AKR1B1: variants seen among roughly 807,000 people sequenced by gnomAD.
The protein encoded by AKR1B1 is aldo-keto reductase family 1 member B1.
A neutral mutation model predicts 40.4 loss-of-function variants in AKR1B1; 22 were observed. That is an observed-to-expected ratio of 0.54 (90% CI 0.39 to 0.78). The LOEUF is 0.78. AKR1B1 is among the 30% of genes least tolerant of loss of function. The pLI, the probability that AKR1B1 is intolerant of heterozygous loss-of-function variation, is 0.00. For synonymous variants in AKR1B1, 157 were observed against 149.9 expected, an observed-to-expected ratio of 1.05 and a Z score of -0.35; for missense variants, 357 against 396.7, an observed-to-expected ratio of 0.90 and a Z score of 0.85.
chr7:134,445,982 A>T lies in AKR1B1; in HGVS notation c.826-662T>A, dbSNP rs373894673. Among the ~76,000 whole-genome samples, 18 of 152,302 alleles carry T rather than the reference A, an allele frequency of 1.2e-4. No homozygotes were observed. The East Asian group carries it at 1.9e-3, about 16-fold the overall frequency. ...TGAGACCCACAAGAGGCTGACACAC[A>T]CTCCCAGAGCCGAAGGGCTCTTAGC... On this transcript the variant is annotated intron_variant, in intron 8 of 9. Transcript: ENST00000285930.
In AKR1B1 at chr7:134,448,010, G is replaced by A. The variant is rs762963189; in HGVS notation, c.711C>T (p.Ile237=). 30 of 1,613,032 alleles carry A rather than the reference G, an allele frequency of 1.9e-5. No individual in the cohort carries two copies. Among genetic ancestry groups the A allele is most frequent in the South Asian group, 8.8e-5 (8 of 90,680 alleles). ...SLLEDPRIKA[I]AAKHNKTTAQ... ...CTGTAGTTTTATTGTGCTTGGCTGC[G>A]ATCGCCTTGATCCTGGGATCCTCCA... The change falls in exon 7 of 10, where the codon ATC becomes ATT. Residue 237 remains isoleucine (I), a synonymous_variant. Transcript: ENST00000285930.
intron 5 of AKR1B1, among the ~76,000 whole-genome samples, chr7:134,448,731 A>G (rs545233540): frequency 6.6e-5 from 10 of 152,278 alleles, no homozygotes; most frequent in Admixed American, 3.3e-4. Flanking sequence ...GGCTTTAGCC[A>G]CTTATCAACT....
At position 134,442,666 on chromosome 7, in the gene AKR1B1, GA is replaced by G; in HGVS notation, c.*61del. ...ACACAGGCCATACTACATTTGCAAGGAAAAAAATGAGGCAAGAAACACAGGT... is the reference window on the plus strand; with the variant it reads ...ACACAGGCCATACTACATTTGCAAGGAAAAAATGAGGCAAGAAACACAGGT... On this transcript the variant is annotated 3_prime_UTR_variant, in exon 10 of 10. Coordinates refer to ENST00000285930, the MANE Select transcript of AKR1B1 (RefSeq NM_001628.4). 7 of 1,569,140 alleles carry G rather than the reference GA, an allele frequency of 4.5e-6. No individual in the cohort carries two copies. The highest frequency in any genetic ancestry group is 1.7e-5 in the Admixed American group (1 of 59,722).
intron 5 of AKR1B1, 55 bp downstream of exon 5, chr7:134,448,942 C>T: frequency 1.2e-6 from 2 of 1,611,932 alleles, no homozygotes; most frequent in Non-Finnish European, 1.7e-6. Flanking sequence ...TCCCTACCAG[C>T]ATCAGACAGT....
rs1485900568 is a variant in AKR1B1 at position 134,447,837 on chromosome 7, C to T, written c.741+143G>A. 2.6e-5 allele frequency: 20 copies of T among 775,292 alleles called. No individual in the cohort carries two copies. In the East Asian group the frequency reaches 4.8e-4, roughly 19 times the overall value. The allele number at this position is 775,292 out of a possible 1,614,324, so 48.0% of individuals were successfully genotyped here. ...GAGTCTTCTAAAACCCCGATCTGTG[C>T]CCTTTCCACTCTGTACTTGAGGACC... On this transcript the variant is annotated intron_variant, in intron 7 of 9. Transcript: ENST00000285930.
At chr7:134,443,146 C>T (rs532361752) in intron 9 of AKR1B1, among the ~76,000 whole-genome samples, 1 of 152,362 alleles carries the variant, frequency 6.6e-6, no homozygotes, top group Admixed American at 6.5e-5. Context: ...GCAGGCCAGA[C>T]ACAGTGGCTC....
chr7:134,448,948 A>G, intron 5 of AKR1B1, 49 bp downstream of exon 5: 1 of 1,612,924 alleles, frequency 6.2e-7, no homozygotes, highest in African/African-American at 1.3e-5. Flanking sequence ...CCAGCATCAG[A>G]CAGTAAAACA....
upstream of AKR1B1, chr7:134,459,117 C>T: frequency 3.8e-6 from 6 of 1,563,480 alleles, no homozygotes; most frequent in Non-Finnish European, 5.2e-6. Flanking sequence ...GGCCGCGGCG[C>T]GTACCTTTAA....
chr7:134,449,779 G>T lies in AKR1B1; in HGVS notation c.370C>A (p.Pro124Thr). 6.2e-7 allele frequency: 1 copy of T among 1,613,906 alleles called. No homozygotes were observed. The highest frequency in any genetic ancestry group is 1.3e-5 in the African/African-American group (1 of 74,980). ...TGFKPGKEFF[P>T]LDESGNVVPS... is the part of the protein sequence containing the mutation. ...ACCACATTGCCCGACTCATCCAATG[G>T]GAAAAATTCCTTCCCAGGCTGTCAT... is the stretch of plus-strand genomic sequence containing the variant. Residue 124 changes from proline to threonine, a missense_variant, in exon 4 of 10, where the codon CCA (proline) becomes ACA (threonine). Transcript: ENST00000285930.
chr7:134,449,227 G>C (rs934166547), intron 4 of AKR1B1, 108 bp from the exon 5 acceptor site: 1 of 1,464,800 alleles, frequency 6.8e-7, no homozygotes, highest in Admixed American at 1.7e-5. Context: ...TTCAGTGCCA[G>C]TGAATTAGAC....
At chr7:134,447,541 C>T (rs1490385561) in intron 7 of AKR1B1, 160 bp from the exon 8 acceptor site, 8 of 709,668 alleles carry the variant, frequency 1.1e-5, no homozygotes, top group African/African-American at 5.2e-5. Flanking sequence ...AACAGGTAGG[C>T]GACGCATTCA....
At chr7:134,458,937 A>T in intron 1 of AKR1B1, 60 bp downstream of exon 1, 1 of 1,550,250 alleles carries the variant, frequency 6.5e-7, no homozygotes. Flanking sequence ...TCCCTCGCCA[A>T]TACAGGCCGC....
chr7:134,445,081 T>C (rs1806053565), intron 9 of AKR1B1, 157 bp downstream of exon 9: 7 of 722,692 alleles, frequency 9.7e-6, no homozygotes, highest in South Asian at 9.0e-5. Context: ...GCAGTTCAGC[T>C]GATGCAAGTC....
At chr7:134,451,986 G>A (rs1233785006) in intron 1 of AKR1B1, among the ~76,000 whole-genome samples, 1 of 152,196 alleles carries the variant, frequency 6.6e-6, no homozygotes, top group East Asian at 1.9e-4. Flanking sequence ...TTAAGTGTAG[G>A]TGAGATCACT....
Position 134,458,979 on chromosome 7 carries a change from G to A in AKR1B1, c.66+18C>T, listed in dbSNP as rs1420729951. On this transcript the variant is annotated intron_variant, in intron 1 of 9. Coordinates refer to ENST00000285930, the MANE Select transcript of AKR1B1 (RefSeq NM_001628.4). ...AGTGTGAGGCGAGCCCCGGGCCCGC[G>A]CCCCCACGAGCACCTACCTTCCAGG... is the stretch of plus-strand genomic sequence containing the variant. 2 of 1,601,868 alleles carry A rather than the reference G, an allele frequency of 1.2e-6. No homozygotes were observed. Among genetic ancestry groups the A allele is most frequent in the South Asian group, 1.1e-5 (1 of 88,616 alleles).
intron 2 of AKR1B1, 132 bp from the exon 3 acceptor site, chr7:134,451,034 T>G: frequency 1.3e-6 from 1 of 756,552 alleles, no homozygotes; most frequent in Non-Finnish European, 2.3e-6. Flanking sequence ...GTGAGGGCAT[T>G]TCCACTGCGT....
intron 5 of AKR1B1, 93 bp downstream of exon 5, chr7:134,448,904 C>A (rs986103331): frequency 3.3e-6 from 5 of 1,537,432 alleles, no homozygotes; most frequent in Non-Finnish European, 1.8e-6. Context: ...TGCCTCCTGG[C>A]CACTTGCTGG....
upstream of AKR1B1, chr7:134,459,154 C>A: frequency 6.8e-7 from 1 of 1,466,116 alleles, no homozygotes. Flanking sequence ...GCAGAAAGGG[C>A]GCCTGCGGTT....
intron 7 of AKR1B1, chr7:134,447,711 T>G: frequency 1.6e-6 from 1 of 614,458 alleles, no homozygotes. Flanking sequence ...CTCTTACATT[T>G]GTACAGATGA....
Sources: allele counts gnomAD v4.1 joint callset (sites outside exome capture counted in the v4.1 genomes callset), GRCh38; gene constraint gnomAD v4.1.1; transcripts MANE v1.5; gene names NCBI Gene and HGNC (gene_info 2026-07-23, HGNC 2026-07-21).